PTPRD: variants seen among roughly 807,000 people sequenced by gnomAD.
The protein encoded by PTPRD is receptor-type tyrosine-protein phosphatase delta.
In PTPRD, 34 loss-of-function variants were observed where a neutral mutation model predicts 214.5. The observed-to-expected ratio is 0.16, with a 90% CI of 0.12 to 0.21. The LOEUF (loss-of-function observed/expected upper bound fraction) is 0.21. Among genes scored for constraint, PTPRD ranks in the 10% least tolerant of loss-of-function variants. The probability of loss-of-function intolerance (pLI) is 1.00; values close to 1 mark genes in which losing one functional copy is unlikely to be tolerated. For synonymous variants in PTPRD, 1,128 were observed against 845.7 expected (o/e 1.33, Z -5.79); for missense variants, 2,545 against 2,398.7 (o/e 1.06, Z -1.27).
intron 10 of PTPRD, among the ~76,000 whole-genome samples, chr9:9,162,253 G>A (rs73399634): frequency 0.055 from 8,423 of 152,104 alleles, 399 homozygotes; most frequent in East Asian, 0.2. Context: ...ATTCATGATT[G>A]CTAATCTTAC....
At chr9:10,269,014 G>A (rs958864213) in intron 3 of PTPRD, among the ~76,000 whole-genome samples, 11 of 152,136 alleles carry the variant, frequency 7.2e-5, no homozygotes, top group African/African-American at 2.7e-4. Context: ...TCCAGCCACT[G>A]CCAAATATCC....
intron 2 of PTPRD, among the ~76,000 whole-genome samples, chr9:10,388,955 T>G (rs932892800): frequency 1.3e-5 from 2 of 151,742 alleles, no homozygotes; most frequent in Non-Finnish European, 2.9e-5. Flanking sequence ...TGTATAGAAG[T>G]TGAAAGATTT....
chr9:8,950,837 A>G (rs2099097849), intron 11 of PTPRD, among the ~76,000 whole-genome samples: 1 of 152,082 alleles, frequency 6.6e-6, no homozygotes, highest in East Asian at 1.9e-4. Flanking sequence ...GTCAGAGCCA[A>G]GACTAGAACC....
rs548478931 is a variant in PTPRD at position 9,806,524 on chromosome 9, T to G, written c.-367-39673A>C. Among the ~76,000 whole-genome samples, 12 of 152,262 alleles carry G rather than the reference T, an allele frequency of 7.9e-5. No individual in the cohort carries two copies. In the South Asian group the frequency reaches 2.3e-3, roughly 29 times the overall value. On this transcript the variant is annotated intron_variant, in intron 5 of 45. Transcript: ENST00000381196. ...TCTCCCAGCCCTTGAGAATGTACTT[T>G]GTAACATCCATCCCCTGCCCGCAAA...
chr9:8,715,113 G>A (rs1253301598), intron 12 of PTPRD, among the ~76,000 whole-genome samples: 2 of 151,258 alleles, frequency 1.3e-5, no homozygotes, highest in Non-Finnish European at 2.9e-5. Flanking sequence ...GTTAAAATGT[G>A]AATGCACAAA....
At chr9:9,738,207 C>A (rs1362021311) in intron 6 of PTPRD, among the ~76,000 whole-genome samples, 1 of 152,002 alleles carries the variant, frequency 6.6e-6, no homozygotes, top group Non-Finnish European at 1.5e-5. Flanking sequence ...ACATATGTAA[C>A]AAACCTGCAC....
At chr9:10,263,219 G>A (rs2093813602) in intron 3 of PTPRD, among the ~76,000 whole-genome samples, 1 of 152,200 alleles carries the variant, frequency 6.6e-6, no homozygotes, top group Non-Finnish European at 1.5e-5. Context: ...GGGTGTTGCT[G>A]TAAAGTTACC....
At chr9:8,526,260 G>T (rs1351135746) in intron 17 of PTPRD, among the ~76,000 whole-genome samples, 1 of 118,374 alleles carries the variant, frequency 8.4e-6, no homozygotes, top group Non-Finnish European at 1.8e-5. Context: ...CAAAAAAAAA[G>T]GAAAAAGAAG....
intron 11 of PTPRD, among the ~76,000 whole-genome samples, chr9:8,929,768 TGTATATATATGG>T (rs2098933894): frequency 8.4e-6 from 1 of 119,006 alleles, no homozygotes; most frequent in Non-Finnish European, 1.7e-5. Context: ...TATATATATG[TGTATATATATGG>T]GTGTGTATAT....
intron 3 of PTPRD, among the ~76,000 whole-genome samples, chr9:10,202,960 A>G (rs185958969): frequency 6.6e-6 from 1 of 151,928 alleles, no homozygotes; most frequent in East Asian, 1.9e-4. Context: ...TATGAGAAAT[A>G]ATTTCTGTCA....
At chr9:8,633,502 T>C in intron 13 of PTPRD, 44 bp from the exon 14 acceptor site, 2 of 1,601,952 alleles carry the variant, frequency 1.2e-6, no homozygotes, top group African/African-American at 1.3e-5. Context: ...GTTACAATTG[T>C]CTACCTCTCA....
chr9:9,575,761 GAAAAAAAGAAAAAGAAAGAA>G (rs2088440508), intron 7 of PTPRD, among the ~76,000 whole-genome samples: 2 of 71,608 alleles, frequency 2.8e-5, no homozygotes, highest in Non-Finnish European at 5.8e-5. Context: ...GAAAGAAAAA[GAAAAAAAGAAAAAGAAAGAA>G]AAAGAAAAAA....
chr9:9,306,969 A>T (rs1017914479), intron 9 of PTPRD, among the ~76,000 whole-genome samples: 2 of 152,200 alleles, frequency 1.3e-5, no homozygotes, highest in Non-Finnish European at 2.9e-5. Context: ...GACAAATTCT[A>T]AAGACATTCT....
chr9:8,359,629 C>T (rs183576983), intron 39 of PTPRD, among the ~76,000 whole-genome samples: 13 of 152,262 alleles, frequency 8.5e-5, no homozygotes, highest in East Asian at 1.9e-4. Context: ...CCACCCCACC[C>T]GGCCAGCTAT....
intron 11 of PTPRD, among the ~76,000 whole-genome samples, chr9:8,870,709 C>CACACAT (rs2098281384): frequency 6.6e-6 from 1 of 150,750 alleles, no homozygotes; most frequent in African/African-American, 2.4e-5. Context: ...CACACACACA[C>CACACAT]ACACACACAC....
At chr9:9,782,656 C>A (rs2098861737) in intron 5 of PTPRD, among the ~76,000 whole-genome samples, 1 of 152,148 alleles carries the variant, frequency 6.6e-6, no homozygotes, top group Non-Finnish European at 1.5e-5. Context: ...GTATAGATAG[C>A]TCTGAGTTAT....
chr9:8,843,497 G>A (rs1336089715), intron 11 of PTPRD, among the ~76,000 whole-genome samples: 1 of 152,126 alleles, frequency 6.6e-6, no homozygotes, highest in African/African-American at 2.4e-5. Context: ...GTGCAACACG[G>A]GAAACGTTCT....
chr9:8,339,893 T>C (rs1850843715), intron 42 of PTPRD, among the ~76,000 whole-genome samples: 1 of 152,040 alleles, frequency 6.6e-6, no homozygotes, highest in Non-Finnish European at 1.5e-5. Flanking sequence ...GTTATATCCT[T>C]AGAAAAACTA....
At chr9:9,279,725 G>C (rs918991909) in intron 9 of PTPRD, among the ~76,000 whole-genome samples, 1 of 150,666 alleles carries the variant, frequency 6.6e-6, no homozygotes, top group South Asian at 2.1e-4. Context: ...CTCTCCATTT[G>C]CCTTCTATCT....
Sources: gnomAD v4.1 joint callset for allele counts (sites outside exome capture counted in the v4.1 genomes callset) on GRCh38, gnomAD v4.1.1 for gene constraint, MANE v1.5 for transcripts, NCBI Gene and HGNC (gene_info 2026-07-23, HGNC 2026-07-21) for gene names.